Variants in COMMD1 observed in about 807,000 individuals in gnomAD.
The protein encoded by COMMD1 is copper metabolism domain containing 1.
COMMD1 carries 10 observed loss-of-function variants against 17.2 expected under a neutral mutation model. The ratio of observed to expected loss-of-function variants is 0.58; its 90% CI spans 0.36 to 0.99. The LOEUF (loss-of-function observed/expected upper bound fraction) is 0.99. COMMD1 is among the 50% of genes least tolerant of loss of function. The pLI, the probability that COMMD1 is intolerant of heterozygous loss-of-function variation, is 0.01. For synonymous variants in COMMD1, 97 were observed against 91.6 expected, an observed-to-expected ratio of 1.06 and a Z score of -0.34; for missense variants, 270 against 231.8, an observed-to-expected ratio of 1.17 and a Z score of -1.07.
At chr2:61,964,247 G>T (rs1296390022) in intron 1 of COMMD1, among the ~76,000 whole-genome samples, 3 of 151,964 alleles carry the variant, frequency 2.0e-5, no homozygotes, top group Admixed American at 6.6e-5. Flanking sequence ...TTGAGACAGG[G>T]TCTTGCTCTG....
intron 1 of COMMD1, among the ~76,000 whole-genome samples, chr2:61,991,540 C>T (rs911534010): frequency 6.6e-6 from 1 of 151,978 alleles, no homozygotes; most frequent in Admixed American, 6.6e-5. Context: ...GAGGTAAGTG[C>T]AGGGATAGAG....
chr2:62,058,772 C>T (rs1670778720), intron 2 of COMMD1, among the ~76,000 whole-genome samples: 2 of 151,918 alleles, frequency 1.3e-5, no homozygotes, highest in South Asian at 2.1e-4. Flanking sequence ...AATAACAACA[C>T]ATTTTCTTTC....
At chr2:62,099,658 T>G (rs1266692311) in intron 2 of COMMD1, among the ~76,000 whole-genome samples, 2 of 152,074 alleles carry the variant, frequency 1.3e-5, no homozygotes, top group African/African-American at 4.8e-5. Flanking sequence ...GGCAGCACTT[T>G]ACAGTGTTTC....
chr2:61,924,658 C>G (rs1357872582), intron 1 of COMMD1, among the ~76,000 whole-genome samples: 1 of 152,140 alleles, frequency 6.6e-6, no homozygotes, highest in Non-Finnish European at 1.5e-5. Context: ...GAATCTCAGA[C>G]CATTTCCTAT....
intron 2 of COMMD1, among the ~76,000 whole-genome samples, chr2:62,005,915 A>G (rs1669099591): frequency 6.6e-6 from 1 of 151,884 alleles, no homozygotes; most frequent in Admixed American, 6.6e-5. Context: ...CTGCGGCACT[A>G]TTCACAATAG....
intron 2 of COMMD1, among the ~76,000 whole-genome samples, chr2:62,012,514 C>T (rs1669312314): frequency 6.6e-6 from 1 of 151,922 alleles, no homozygotes; most frequent in South Asian, 2.1e-4. Context: ...GACGGGGTTT[C>T]TCCATGTTGG....
chr2:61,890,543 G>C (rs970219017), intron 1 of COMMD1, among the ~76,000 whole-genome samples: 2 of 152,012 alleles, frequency 1.3e-5, no homozygotes, highest in Non-Finnish European at 1.5e-5. Flanking sequence ...CACACATTTA[G>C]CATATTAGCA....
chr2:62,133,484 G>A (rs1673101392), intron 2 of COMMD1, among the ~76,000 whole-genome samples: 1 of 145,938 alleles, frequency 6.9e-6, no homozygotes, highest in African/African-American at 2.5e-5. Flanking sequence ...ATTCACAGGA[G>A]AAAAAAAATT....
At chr2:61,895,244 A>G (rs1669528494) in intron 1 of COMMD1, among the ~76,000 whole-genome samples, 1 of 152,172 alleles carries the variant, frequency 6.6e-6, no homozygotes, top group Admixed American at 6.6e-5. Flanking sequence ...CAGCGACAAT[A>G]GTTTTTAGCT....
chr2:61,995,469 A>G (rs1464793262), intron 1 of COMMD1, among the ~76,000 whole-genome samples: 1 of 152,232 alleles, frequency 6.6e-6, no homozygotes, highest in African/African-American at 2.4e-5. Flanking sequence ...TCACTCAGTC[A>G]TCTAAACTTT....
At chr2:62,020,941 T>C (rs533040931) in intron 2 of COMMD1, among the ~76,000 whole-genome samples, 3 of 151,032 alleles carry the variant, frequency 2.0e-5, no homozygotes, top group African/African-American at 7.3e-5. Flanking sequence ...AGGCAGAGGT[T>C]GCGGTGAGCC....
intron 2 of COMMD1, among the ~76,000 whole-genome samples, chr2:62,020,933 G>A (rs1166966528): frequency 6.6e-6 from 1 of 151,792 alleles, no homozygotes; most frequent in Non-Finnish European, 1.5e-5. Context: ...AACCTGGGAG[G>A]CAGAGGTTGC....
intron 1 of COMMD1, among the ~76,000 whole-genome samples, chr2:61,996,765 A>G (rs1209049911): frequency 2.0e-5 from 3 of 152,190 alleles, no homozygotes; most frequent in South Asian, 2.1e-4. Context: ...CAATTCAATC[A>G]CATCTTCAGA....
chr2:62,102,409 C>G (rs372059279), intron 2 of COMMD1, among the ~76,000 whole-genome samples: 3 of 152,326 alleles, frequency 2.0e-5, no homozygotes, highest in Non-Finnish European at 4.4e-5. Flanking sequence ...AATACGCACT[C>G]AAATACCTGA....
Position 62,063,869 on chromosome 2 carries a change from A to G in COMMD1, c.462+62887A>G, listed in dbSNP as rs1356875456. ...AACATAGTGACACTGTCTCTACAAAATATATATATATATATATATATATAT... is the reference window on the plus strand; with the variant it reads ...AACATAGTGACACTGTCTCTACAAAGTATATATATATATATATATATATAT... On this transcript the variant is annotated intron_variant, in intron 2 of 2. Transcript: ENST00000311832. Among the ~76,000 whole-genome samples, 11 of 8,412 alleles carry G rather than the reference A, an allele frequency of 1.3e-3. No individual in the cohort carries two copies. In the South Asian group the frequency reaches 0.038, roughly 29 times the overall value. The allele number at this position is 8,412 out of a possible 152,430, so 5.5% of individuals were successfully genotyped here. A position where few individuals can be genotyped will look rare whatever the true frequency, so the allele number is the denominator to read the frequency against.
intron 1 of COMMD1, among the ~76,000 whole-genome samples, chr2:61,948,645 T>G (rs919672451): frequency 2.0e-5 from 3 of 152,252 alleles, no homozygotes; most frequent in African/African-American, 2.4e-5. Context: ...TGCCTCACTT[T>G]ATTTTTTTAT....
rs1441887978 is a variant in COMMD1 at position 62,096,811 on chromosome 2, G to GT, written c.463-39019dup. On this transcript the variant is annotated intron_variant, in intron 2 of 2. Transcript: ENST00000311832. ...TTGTGTCCCCTAAAACGAAGCCATT[G>GT]TAATAGGTGGACAGTGTCTTCTCTG... 3.9e-5 allele frequency among the ~76,000 whole-genome samples: 6 copies of GT among 152,228 alleles called. No homozygotes were observed. In the East Asian group the frequency reaches 1.2e-3, roughly 29 times the overall value.
chr2:61,888,643 C>T (rs533334223), upstream of COMMD1: 88 of 1,048,852 alleles, frequency 8.4e-5, no homozygotes, highest in Admixed American at 5.7e-4. Flanking sequence ...CGGGAGGAGG[C>T]GGAGGCGGAG....
In COMMD1 at chr2:61,946,956, A is replaced by G. The variant is rs553402993; in HGVS notation, c.180+41098A>G. Reference sequence around the variant, plus strand: ...TTGCTTCTAGTAGTTTTGTTTACGTATATAAATTATTTTTAACAATTAATC... The same window carrying G: ...TTGCTTCTAGTAGTTTTGTTTACGTGTATAAATTATTTTTAACAATTAATC... On this transcript the variant is annotated intron_variant, in intron 1 of 2. Transcript: ENST00000311832. 1.2e-4 allele frequency among the ~76,000 whole-genome samples: 19 copies of G among 152,294 alleles called. No individual in the cohort carries two copies. In the East Asian group the frequency reaches 3.7e-3, roughly 29 times the overall value.
Sources: gnomAD v4.1 joint callset for allele counts (sites outside exome capture counted in the v4.1 genomes callset) on GRCh38, gnomAD v4.1.1 for gene constraint, MANE v1.5 for transcripts, NCBI Gene and HGNC (gene_info 2026-07-23, HGNC 2026-07-21) for gene names.